Variants in HEXA observed in about 807,000 individuals in gnomAD.
HEXA encodes the protein beta-hexosaminidase subunit alpha.
Under a neutral mutation model 73.3 loss-of-function variants are expected in HEXA, and 54 were observed. The ratio of observed to expected loss-of-function variants is 0.74; its 90% CI spans 0.59 to 0.92. The LOEUF (loss-of-function observed/expected upper bound fraction) is 0.92. Among genes scored for constraint, HEXA ranks in the 40% least tolerant of loss-of-function variants. The pLI, the probability that HEXA is intolerant of heterozygous loss-of-function variation, is 0.00. For missense variants in HEXA, 649 were observed against 653.0 expected (o/e 0.99, Z 0.07); for synonymous variants, 230 against 246.9 (o/e 0.93, Z 0.64).
chr15:72,349,353 C>G, intron 7 of HEXA, 94 bp from the exon 8 acceptor site: 1 of 975,706 alleles, frequency 1.0e-6, no homozygotes, highest in South Asian at 1.3e-5. Context: ...CAAAGCAAGA[C>G]AAGTGTATTC....
intron 2 of HEXA, chr15:72,356,008 C>A: frequency 2.2e-6 from 1 of 462,892 alleles, no homozygotes; most frequent in African/African-American, 2.0e-5. Flanking sequence ...GCGATGCTCC[C>A]AATGCCTTTG....
chr15:72,355,944 G>T (rs1473366966), intron 2 of HEXA: 2 of 492,562 alleles, frequency 4.1e-6, no homozygotes, highest in Non-Finnish European at 4.0e-6. Flanking sequence ...AAAGATGAAA[G>T]AAGTCTTCTC....
At chr15:72,360,731 T>C (rs917404547) in intron 1 of HEXA, among the ~76,000 whole-genome samples, 3 of 152,192 alleles carry the variant, frequency 2.0e-5, no homozygotes, top group Non-Finnish European at 4.4e-5. Context: ...GGAAGACAGA[T>C]CTGGATTCAA....
At chr15:72,345,412 G>A (rs756325812) in intron 13 of HEXA, 34 bp downstream of exon 13, 1 of 1,613,552 alleles carries the variant, frequency 6.2e-7, no homozygotes, top group Non-Finnish European at 8.5e-7. Flanking sequence ...GATCTGGCCT[G>A]CTCCGCCTTG....
chr15:72,365,388 G>A (rs569245397), intron 1 of HEXA, among the ~76,000 whole-genome samples: 2 of 152,206 alleles, frequency 1.3e-5, no homozygotes, highest in Middle Eastern at 3.4e-3. Flanking sequence ...CGTGAGCCAC[G>A]GCACCCAGCC....
intron 1 of HEXA, chr15:72,358,231 A>C (rs1463816563): frequency 6.6e-6 from 1 of 152,174 alleles, no homozygotes; most frequent in Non-Finnish European, 1.5e-5. Context: ...CCCCAATATC[A>C]TTGTGTGGAG....
At chr15:72,357,521 T>A (rs1284445021) in intron 1 of HEXA, 1 of 152,306 alleles carries the variant, frequency 6.6e-6, no homozygotes, top group Non-Finnish European at 1.5e-5. Flanking sequence ...TTCCCTGTGA[T>A]TTTCAGGGTG....
intron 9 of HEXA, 119 bp downstream of exon 9, chr15:72,347,929 G>A: frequency 1.0e-6 from 1 of 969,356 alleles, no homozygotes; most frequent in Non-Finnish European, 1.6e-6. Flanking sequence ...ATGGGACAAA[G>A]GACAAGGGAA....
In HEXA at chr15:72,353,168, T is replaced by C; in HGVS notation, c.470A>G (p.Asn157Ser). Residue 157 changes from asparagine (N) to serine (S), a missense_variant, in exon 5 of 14, where the codon AAC becomes AGC. By Grantham distance (46) the Asn-to-Ser change is conservative (BLOSUM62 1). Transcript: ENST00000268097. Reference protein sequence around the residue: ...WKSAEGTFFINKTEIEDFPRF... With the variant: ...WKSAEGTFFISKTEIEDFPRF... ...GGGAAAGTCCTCAATCTCAGTCTTG[T>C]TGATAAAGAACTGTGCAGAACAAAC... 6.2e-7 allele frequency: 1 copy of C among 1,605,612 alleles called. No individual in the cohort carries two copies. The highest frequency in any genetic ancestry group is 1.1e-5 in the South Asian group (1 of 90,808).
chr15:72,355,678 T>A, intron 2 of HEXA, 54 bp from the exon 3 acceptor site: 1 of 1,160,454 alleles, frequency 8.6e-7, no homozygotes, highest in Non-Finnish European at 1.3e-6. Flanking sequence ...TATTCTCAGA[T>A]TATAGACCAG....
intron 1 of HEXA, among the ~76,000 whole-genome samples, chr15:72,375,185 T>C (rs917289735): frequency 4.0e-5 from 6 of 151,542 alleles, no homozygotes; most frequent in Admixed American, 4.0e-4. Context: ...ACCTCATGGG[T>C]TCAACCGATT....
chr15:72,367,456 C>G (rs1405681343), intron 1 of HEXA, among the ~76,000 whole-genome samples: 1 of 152,188 alleles, frequency 6.6e-6, no homozygotes, highest in Non-Finnish European at 1.5e-5. Flanking sequence ...TCCTTACAGC[C>G]ATCAACCCAA....
intron 1 of HEXA, among the ~76,000 whole-genome samples, chr15:72,375,091 G>T (rs934007250): frequency 6.6e-6 from 1 of 151,192 alleles, no homozygotes; most frequent in Non-Finnish European, 1.5e-5. Context: ...TGTTTGGGGG[G>T]GGGGGTTGTT....
rs1420950390 is a variant in HEXA, at chr15:72,341,362, T to A, written c.*2715A>T. 2.0e-5 allele frequency: 3 copies of A among 152,174 alleles called. No individual in the cohort carries two copies. The highest frequency in any genetic ancestry group is 2.0e-4 in the Admixed American group (3 of 15,270). 9.4% of individuals were successfully genotyped at this position (152,174 alleles called of 1,614,324 possible). A position where few individuals can be genotyped will look rare whatever the true frequency, so the allele number is the denominator to read the frequency against. ...GAAAACACCAGTGACCTAGCTTTAT[T>A]AGATTCCTCGAAGGGAAGGTACCTG... On this transcript the variant is annotated 3_prime_UTR_variant, in exon 14 of 14. Coordinates refer to ENST00000268097, the MANE Select transcript of HEXA (RefSeq NM_000520.6).
intron 1 of HEXA, chr15:72,357,526 A>AG (rs1032770624): frequency 2.0e-5 from 3 of 152,264 alleles, no homozygotes; most frequent in African/African-American, 7.2e-5. Context: ...TGTGATTTTC[A>AG]GGGTGGCTCT....
intron 1 of HEXA, chr15:72,359,239 A>G (rs1388592620): frequency 1.3e-5 from 2 of 152,178 alleles, no homozygotes; most frequent in African/African-American, 4.8e-5. Flanking sequence ...ACTCCTCTTC[A>G]GATCTAAGAC....
At chr15:72,367,738 G>C (rs2088936153) in intron 1 of HEXA, among the ~76,000 whole-genome samples, 1 of 152,172 alleles carries the variant, frequency 6.6e-6, no homozygotes, top group Non-Finnish European at 1.5e-5. Context: ...ACTTCAGCTA[G>C]ACACCTTGAG....
At chr15:72,367,420 C>G (rs1332013778) in intron 1 of HEXA, among the ~76,000 whole-genome samples, 1 of 152,222 alleles carries the variant, frequency 6.6e-6, no homozygotes, top group Non-Finnish European at 1.5e-5. Context: ...TCCTAAATCT[C>G]TCTTCAGTCT....
chr15:72,351,525 G>T (rs1252324240), intron 5 of HEXA: 2 of 497,484 alleles, frequency 4.0e-6, no homozygotes, highest in Non-Finnish European at 7.3e-6. Context: ...GAGGAGGGCT[G>T]CAGCTACTGT....
Sources: gnomAD v4.1 joint callset for allele counts (sites outside exome capture counted in the v4.1 genomes callset) on GRCh38, gnomAD v4.1.1 for gene constraint, MANE v1.5 for transcripts, NCBI Gene and HGNC (gene_info 2026-07-23, HGNC 2026-07-21) for gene names.